The following TTC21B variants were observed in gnomAD, a reference collection of about 807,000 sequenced individuals.
The protein encoded by TTC21B is tetratricopeptide repeat domain 21B, also known as tetratricopeptide repeat protein 21B.
In TTC21B, 127 loss-of-function variants were observed where a neutral mutation model predicts 175.1. The observed-to-expected ratio is 0.73, with a 90% confidence interval of 0.63 to 0.84. The LOEUF (loss-of-function observed/expected upper bound fraction) is 0.84. Ranked by LOEUF, TTC21B falls within the 40% of genes least tolerant of loss-of-function variation. The pLI is 0.00. For synonymous variants in TTC21B, 524 were observed against 524.5 expected (o/e 1.00, Z 0.01); for missense variants, 1,561 against 1,558.3 (o/e 1.00, Z -0.03).
At chr2:165,945,214 G>C (rs1687506072) in intron 4 of TTC21B, among the ~76,000 whole-genome samples, 1 of 151,938 alleles carries the variant, frequency 6.6e-6, no homozygotes, top group African/African-American at 2.4e-5. Context: ...AAGGAGAGAG[G>C]GAGAAAGGAA....
At chr2:165,934,472 A>G (rs1416867184) in intron 6 of TTC21B, among the ~76,000 whole-genome samples, 3 of 140,448 alleles carry the variant, frequency 2.1e-5, no homozygotes, top group Non-Finnish European at 4.5e-5. Context: ...ATTGCACTCC[A>G]GTCTGGGCAA....
rs529997599 is a variant in TTC21B, at chr2:165,917,302, C to T, written c.1854G>A (p.Ser618=). Residue 618 remains serine, a synonymous_variant, in exon 14 of 29, where the codon TCG becomes TCA. Coordinates refer to ENST00000243344, the MANE Select transcript of TTC21B (RefSeq NM_024753.5). ...GAACGTCTATCAATTCAAGAAAGAT[C>T]GATAAACGATGGCTTGTATCAACTT... ...KTEVDTSHRL[S]IFLELIDVHR... is the part of the protein sequence containing the mutation. 50 of 1,614,164 alleles carry T rather than the reference C, an allele frequency of 3.1e-5. No homozygotes were observed. The highest frequency in any genetic ancestry group is 9.3e-5 in the African/African-American group (7 of 75,050).
chr2:165,912,441 C>T lies in TTC21B; in HGVS notation c.2322+73G>A, dbSNP rs532463267. ...AACCATTAAAGATGCAAATGGTGCTCGCTGAAGCTTCTCGAGGACAGGGTA... is the reference window on the plus strand; with the variant it reads ...AACCATTAAAGATGCAAATGGTGCTTGCTGAAGCTTCTCGAGGACAGGGTA... On this transcript the variant is annotated intron_variant, in intron 17 of 28. Coordinates refer to ENST00000243344, the MANE Select transcript of TTC21B (RefSeq NM_024753.5). 3.6e-5 allele frequency: 42 copies of T among 1,172,998 alleles called. 1 individual carries two copies. The highest frequency in any genetic ancestry group is 2.8e-4 in the South Asian group (23 of 82,042). The allele number at this position is 1,172,998 out of a possible 1,614,324, so 72.7% of individuals were successfully genotyped here. A position where few individuals can be genotyped will look rare whatever the true frequency, so the allele number is the denominator to read the frequency against.
At chr2:165,898,542 C>T (rs966352370) in intron 22 of TTC21B, 144 bp downstream of exon 22, 1 of 705,902 alleles carries the variant, frequency 1.4e-6, no homozygotes, top group Non-Finnish European at 2.6e-6. Context: ...GCCATTTCAG[C>T]TACTCAAGCC....
chr2:165,936,925 T>C (rs541552747), intron 6 of TTC21B, among the ~76,000 whole-genome samples: 55 of 152,038 alleles, frequency 3.6e-4, no homozygotes, highest in Non-Finnish European at 6.8e-4. Context: ...TCCTACCATA[T>C]GATTCAGGAA....
At chr2:165,887,036 G>T in intron 25 of TTC21B, among the ~76,000 whole-genome samples, 1 of 152,168 alleles carries the variant, frequency 6.6e-6, no homozygotes, top group Admixed American at 6.5e-5. Flanking sequence ...TATTCCAAGC[G>T]CAATAATAAA....
Position 165,931,779 on chromosome 2 carries a change from A to G in TTC21B, c.873T>C (p.Ile291=), listed in dbSNP as rs554531474. 21 of 1,613,470 alleles carry G rather than the reference A, an allele frequency of 1.3e-5. No homozygotes were observed. The South Asian group carries it at 2.3e-4, about 18-fold the overall frequency. Residue 291 remains isoleucine (I), a synonymous_variant, in exon 8 of 29, where the codon ATT becomes ATC. Transcript: ENST00000243344. Reference sequence around the variant, plus strand: ...TCACAGTTCTGCTGAAGGCGAGTGTAATGTTATAGAAAAGTTGAGCATTCT... The same window carrying G: ...TCACAGTTCTGCTGAAGGCGAGTGTGATGTTATAGAAAAGTTGAGCATTCT... ...EPQNAQLFYN[I]TLAFSRTCGR...
Position 165,943,100 on chromosome 2 carries a change from G to A in TTC21B, c.552+119C>T, listed in dbSNP as rs1687428972. On this transcript the variant is annotated intron_variant, in intron 5 of 28. Transcript: ENST00000243344. ...AAATGCCAGTCTACCTTACAGCTGT[G>A]AGCTGACAACAGTATCATGAAAATT... The A allele has an allele frequency of 3.1e-6, 3 of 964,528 alleles. No homozygotes were observed. In the Admixed American group the frequency reaches 5.7e-5, roughly 18 times the overall value. 59.7% of individuals were successfully genotyped at this position (964,528 alleles called of 1,614,324 possible). A position where few individuals can be genotyped will look rare whatever the true frequency, so the allele number is the denominator to read the frequency against.
At chr2:165,908,335 G>A (rs1685813529) in intron 18 of TTC21B, among the ~76,000 whole-genome samples, 1 of 152,232 alleles carries the variant, frequency 6.6e-6, no homozygotes, top group African/African-American at 2.4e-5. Flanking sequence ...AAAAATGATA[G>A]TAACTACCTC....
At chr2:165,885,913 T>A (rs1280948147) in intron 25 of TTC21B, among the ~76,000 whole-genome samples, 1 of 152,224 alleles carries the variant, frequency 6.6e-6, no homozygotes, top group Non-Finnish European at 1.5e-5. Context: ...AAGACTTGGA[T>A]GTGGACAATA....
At chr2:165,915,504 G>A (rs1686135636) in intron 14 of TTC21B, 65 bp from the exon 15 acceptor site, 6 of 1,197,480 alleles carry the variant, frequency 5.0e-6, no homozygotes, top group Non-Finnish European at 7.5e-6. Context: ...TAGAAAGGGA[G>A]ATTTTCTCAT....
At chr2:165,940,059 T>C (rs1234343587) in intron 6 of TTC21B, among the ~76,000 whole-genome samples, 2 of 152,214 alleles carry the variant, frequency 1.3e-5, no homozygotes, top group Non-Finnish European at 2.9e-5. Context: ...CAGTTCATTA[T>C]CATCATTGTT....
intron 6 of TTC21B, among the ~76,000 whole-genome samples, chr2:165,937,718 T>G (rs1687204146): frequency 1.6e-5 from 2 of 128,220 alleles, no homozygotes; most frequent in Admixed American, 1.6e-4. Flanking sequence ...TGAGTCTATT[T>G]ATTATTTTTA....
intron 6 of TTC21B, among the ~76,000 whole-genome samples, chr2:165,934,348 A>G (rs2105350305): frequency 6.6e-6 from 1 of 151,984 alleles, no homozygotes; most frequent in African/African-American, 2.4e-5. Context: ...TAAAAATACA[A>G]AAAATTAGCA....
chr2:165,950,763 G>A (rs895736845), intron 1 of TTC21B, among the ~76,000 whole-genome samples: 5 of 151,866 alleles, frequency 3.3e-5, no homozygotes, highest in African/African-American at 1.2e-4. Context: ...ACACCCCACC[G>A]CACCTGGCTA....
intron 22 of TTC21B, 78 bp from the exon 23 acceptor site, chr2:165,891,066 A>G (rs969059724): frequency 3.2e-6 from 4 of 1,249,064 alleles, no homozygotes; most frequent in Middle Eastern, 2.0e-4. Context: ...ACTTCATTAG[A>G]GTATAATTTA....
intron 24 of TTC21B, among the ~76,000 whole-genome samples, chr2:165,889,627 T>C (rs1269211660): frequency 1.3e-5 from 2 of 152,182 alleles, no homozygotes; most frequent in Non-Finnish European, 2.9e-5. Flanking sequence ...TTCCCTGCTC[T>C]AACTGGTCTC....
At position 165,876,188 on chromosome 2, in the gene TTC21B, C is replaced by G. The variant is rs139537546; in HGVS notation, c.3850G>C (p.Asp1284His). 168 of 1,603,678 alleles carry G rather than the reference C, an allele frequency of 1.0e-4. No individual in the cohort carries two copies. The African/African-American group carries it at 2.1e-3, about 20-fold the overall frequency. The part of the protein sequence containing the change: ...FNYLKAKRYV[D>H]SIDICHQVLE... ...ACCTGGTGACATATGTCAATTGAAT[C>G]CACATATCTTTTTGCTTTTAAGTAA... Residue 1284 changes from aspartate (D) to histidine (H), a missense_variant, in exon 28 of 29, where the codon GAT becomes CAT. By Grantham distance (81) the Asp-to-His change is moderately conservative. Transcript: ENST00000243344.
intron 11 of TTC21B, among the ~76,000 whole-genome samples, chr2:165,927,058 A>C (rs867530080): frequency 1.1e-4 from 8 of 74,166 alleles, no homozygotes; most frequent in African/African-American, 2.0e-4. Flanking sequence ...ATATATATAT[A>C]TCCTAGTAGA....
Sources: allele counts gnomAD v4.1 joint callset (sites outside exome capture counted in the v4.1 genomes callset), GRCh38; gene constraint gnomAD v4.1.1; transcripts MANE v1.5; gene names NCBI Gene and HGNC (gene_info 2026-07-23, HGNC 2026-07-21).